The following WAPL variants were observed in gnomAD, a reference collection of about 807,000 sequenced individuals.
WAPL encodes WAPL cohesin release factor, also known as wings apart-like protein homolog.
WAPL carries 5 observed loss-of-function variants against 121.0 expected under a neutral mutation model. That is an observed-to-expected ratio of 0.04 (90% CI 0.02 to 0.09). WAPL has a LOEUF of 0.09. WAPL is among the 10% of genes least tolerant of loss of function. WAPL has a pLI of 1.00. For synonymous variants in WAPL, 480 were observed against 481.5 expected (o/e 1.00, Z 0.04); for missense variants, 999 against 1,410.8 (o/e 0.71, Z 4.68).
chr10:86,481,448 A>G (rs1259452393), intron 4 of WAPL, among the ~76,000 whole-genome samples: 2 of 152,166 alleles, frequency 1.3e-5, no homozygotes, highest in African/African-American at 4.8e-5. Flanking sequence ...ATCTTGGCTC[A>G]CTGCAACCTC....
rs1336321613 is a variant in WAPL at position 86,471,000 on chromosome 10, G to T, written c.2134C>A (p.His712Asn). The T allele has an allele frequency of 1.2e-6, 2 of 1,613,262 alleles. No individual in the cohort carries two copies. The highest frequency in any genetic ancestry group is 1.7e-6 in the Non-Finnish European group (2 of 1,179,614). The part of the protein sequence containing the change: ...MVFKTLDDSQ[H>N]HQNLSLCTAA... ...AGAAACTTAAAAAATACCTGATGGT[G>T]CTGGGAATCATCCAAGGTTTTAAAG... The change falls in exon 8 of 19, where the codon CAC becomes AAC. Residue 712 changes from histidine to asparagine, a missense_variant. Physicochemically the swap from His to Asn is moderately conservative, Grantham distance 68. Around this residue, in one of 7 missense-constraint regions of WAPL, gnomAD observed 118 missense variants for 318.3 expected, o/e 0.37. Transcript: ENST00000298767.
chr10:86,516,998 G>T (rs945145316), intron 2 of WAPL, among the ~76,000 whole-genome samples: 4 of 152,036 alleles, frequency 2.6e-5, no homozygotes, highest in African/African-American at 9.7e-5. Flanking sequence ...CAGGAAAATG[G>T]CATGAACCTG....
At chr10:86,488,127 T>C (rs1389636166) in intron 4 of WAPL, among the ~76,000 whole-genome samples, 2 of 151,924 alleles carry the variant, frequency 1.3e-5, no homozygotes, top group Non-Finnish European at 2.9e-5. Flanking sequence ...ATATGGAAAA[T>C]GAGAAGTCTA....
intron 1 of WAPL, among the ~76,000 whole-genome samples, chr10:86,519,063 T>C (rs921954845): frequency 3.9e-5 from 6 of 152,110 alleles, no homozygotes; most frequent in African/African-American, 1.2e-4. Context: ...CATAGAAACA[T>C]ACAACTTTTA....
chr10:86,460,254 T>C (rs1841239030), intron 11 of WAPL, 145 bp downstream of exon 11: 2 of 641,440 alleles, frequency 3.1e-6, no homozygotes, highest in East Asian at 2.9e-5. Flanking sequence ...TAACAACTGG[T>C]TGCTCAAAAA....
chr10:86,487,706 C>T (rs866691804), intron 4 of WAPL, among the ~76,000 whole-genome samples: 1 of 152,004 alleles, frequency 6.6e-6, no homozygotes, highest in Admixed American at 6.5e-5. Context: ...CTGGCTAACA[C>T]GGTGAAACCC....
At chr10:86,447,119 C>T (rs1039630070) in intron 15 of WAPL, among the ~76,000 whole-genome samples, 8 of 152,184 alleles carry the variant, frequency 5.3e-5, no homozygotes, top group Non-Finnish European at 8.8e-5. Flanking sequence ...GGTCTGCTGA[C>T]TTGTTTCTTC....
At chr10:86,491,144 T>C (rs969074503) in intron 4 of WAPL, among the ~76,000 whole-genome samples, 1 of 147,040 alleles carries the variant, frequency 6.8e-6, no homozygotes, top group African/African-American at 2.5e-5. Context: ...TTCTTTTTTT[T>C]TTTTTTTTTT....
Position 86,454,531 on chromosome 10 carries a change from C to A in WAPL, c.2658-700G>T, listed in dbSNP as rs1296855399. 2.0e-5 allele frequency among the ~76,000 whole-genome samples: 3 copies of A among 152,368 alleles called. No individual in the cohort carries two copies. In the East Asian group the frequency reaches 5.8e-4, roughly 29 times the overall value. On this transcript the variant is annotated intron_variant, in intron 12 of 18. Transcript: ENST00000298767. ...TGCCTGGGACTGCAGGCGGGCGCCG[C>A]CACACCTGACTGGTTTTTGCTGGAG...
chr10:86,452,188 C>G, intron 14 of WAPL, 57 bp from the exon 15 acceptor site: 1 of 1,488,686 alleles, frequency 6.7e-7, no homozygotes, highest in Non-Finnish European at 9.1e-7. Context: ...AACAAATGAA[C>G]ACAATATACA....
intron 7 of WAPL, 101 bp from the exon 8 acceptor site, chr10:86,471,204 G>T: frequency 1.2e-6 from 1 of 848,898 alleles, no homozygotes; most frequent in Non-Finnish European, 1.9e-6. Flanking sequence ...GGGGTAAAAG[G>T]GTCAAAGCAT....
At position 86,521,654 on chromosome 10, in the gene WAPL, G is replaced by GGCC. The variant is rs1330361660; in HGVS notation, c.-315_-313dup. 8.7e-6 allele frequency: 4 copies of GGCC among 462,348 alleles called. No homozygotes were observed. Among genetic ancestry groups the GGCC allele is most frequent in the East Asian group, 7.6e-5 (1 of 13,232 alleles). 28.6% of individuals were successfully genotyped at this position (462,348 alleles called of 1,614,324 possible). The stretch of plus-strand genomic sequence containing the variant: ...CAGAGCCTGCTGTGTGCCCCCGCTG[G>GGCC]GCCGCCGCCGCCTCCTGCGCCGCCG... On this transcript the variant is annotated 5_prime_UTR_variant, in exon 1 of 19. Transcript: ENST00000298767.
In WAPL at chr10:86,437,537, A is replaced by C. The variant is rs573486444; in HGVS notation, c.*6T>G. On this transcript the variant is annotated 3_prime_UTR_variant, in exon 19 of 19. Transcript: ENST00000298767. ...TTACCGAGCACCTGAAGCAAAGGTA[A>C]AGCAGCTAGCAATGTTCCAAATATT... 6.8e-6 allele frequency: 11 copies of C among 1,613,514 alleles called. No individual in the cohort carries two copies. Among genetic ancestry groups the C allele is most frequent in the Admixed American group, 6.7e-5 (4 of 59,886 alleles).
chr10:86,467,174 A>AG, intron 9 of WAPL, 105 bp downstream of exon 9: 1 of 1,042,918 alleles, frequency 9.6e-7, no homozygotes, highest in Non-Finnish European at 1.4e-6. Flanking sequence ...CTGTAAACCA[A>AG]GGTTAGAATT....
At chr10:86,489,547 T>A (rs1431738960) in intron 4 of WAPL, among the ~76,000 whole-genome samples, 1 of 152,076 alleles carries the variant, frequency 6.6e-6, no homozygotes, top group Non-Finnish European at 1.5e-5. Context: ...CCAGGAAACA[T>A]TTGGCAATGT....
intron 4 of WAPL, among the ~76,000 whole-genome samples, chr10:86,483,246 C>T (rs910562447): frequency 2.6e-5 from 4 of 152,072 alleles, no homozygotes; most frequent in African/African-American, 9.7e-5. Flanking sequence ...CATGGAAAAA[C>T]CCTGCCTCTA....
chr10:86,476,269 G>A (rs1000114847), intron 4 of WAPL, among the ~76,000 whole-genome samples: 4 of 152,142 alleles, frequency 2.6e-5, no homozygotes, highest in Non-Finnish European at 5.9e-5. Flanking sequence ...GGAGGCTGAG[G>A]GAGGAGAATT....
intron 4 of WAPL, among the ~76,000 whole-genome samples, chr10:86,476,630 A>G (rs1185738587): frequency 6.6e-6 from 1 of 151,608 alleles, no homozygotes; most frequent in African/African-American, 2.4e-5. Context: ...TGGAGGTTGC[A>G]GTGAGCCGAG....
Position 86,473,913 on chromosome 10 carries a change from G to C in WAPL, c.1705C>G (p.Pro569Ala). The C allele has an allele frequency of 6.2e-7, 1 of 1,614,014 alleles. No individual in the cohort carries two copies. Among genetic ancestry groups the C allele is most frequent in the Middle Eastern group, 1.7e-4 (1 of 6,060 alleles). ...HWNHPDSEEL[P>A]GPPVVKPQSV... ...TGAGGTTTTACTACTGGTGGCCCAG[G>C]CAGTTCTTCTGAATCTGGATGATTC... Residue 569 changes from proline to alanine, a missense_variant, in exon 5 of 19, where the codon CCT becomes GCT. Transcript: ENST00000298767.
Sources: gnomAD v4.1 joint callset for allele counts (sites outside exome capture counted in the v4.1 genomes callset) on GRCh38, gnomAD v4.1.1 for gene constraint, gnomAD v4.1.1 regional missense constraint, MANE v1.5 for transcripts, NCBI Gene and HGNC (gene_info 2026-07-23, HGNC 2026-07-21) for gene names.